The following SLC6A7 variants were observed in gnomAD, a reference collection of about 807,000 sequenced individuals.
SLC6A7 encodes the protein sodium-dependent proline transporter.
Under a neutral mutation model 73.1 loss-of-function variants are expected in SLC6A7, and 58 were observed. That is an observed-to-expected ratio of 0.79 (90% CI 0.64 to 0.99). SLC6A7 has a LOEUF of 0.99. SLC6A7 is among the 50% of genes least tolerant of loss of function. The probability of loss-of-function intolerance (pLI) is 0.00; values close to 1 mark genes in which losing one functional copy is unlikely to be tolerated. For missense variants in SLC6A7, 783 were observed against 831.4 expected (o/e 0.94, Z 0.72); for synonymous variants, 338 against 338.7 (o/e 1.00, Z 0.02).
chr5:150,190,652 G>A (rs1752738019), intron 1 of SLC6A7, among the ~76,000 whole-genome samples: 1 of 152,188 alleles, frequency 6.6e-6, no homozygotes, highest in African/African-American at 2.4e-5. Flanking sequence ...GGGCGGCCGG[G>A]GCCAGGCACC....
In SLC6A7 at chr5:150,199,306, G is replaced by A. The variant is rs770777858; in HGVS notation, c.663G>A (p.Leu221=). Residue 221 remains leucine, a synonymous_variant, in exon 5 of 14, where the codon CTG becomes CTA. Coordinates refer to ENST00000230671, the MANE Select transcript of SLC6A7 (RefSeq NM_014228.5). ...GEIRWNLCLC[L]LLAWVIVFLC... The stretch of plus-strand genomic sequence containing the variant: ...TCCGCTGGAACCTCTGCCTCTGCCT[G>A]CTGCTGGCCTGGGTCATCGTGTTCC... The A allele has an allele frequency of 4.3e-6, 7 of 1,614,166 alleles. No homozygotes were observed. The highest frequency in any genetic ancestry group is 4.2e-6 in the Non-Finnish European group (5 of 1,180,002).
intron 13 of SLC6A7, among the ~76,000 whole-genome samples, chr5:150,206,405 A>G (rs1753702082): frequency 6.6e-6 from 1 of 152,178 alleles, no homozygotes; most frequent in Admixed American, 6.5e-5. Context: ...TGTGTGAGCT[A>G]GGTGTTCAAC....
chr5:150,208,690 C>T (rs988163488), intron 13 of SLC6A7, among the ~76,000 whole-genome samples: 2 of 152,196 alleles, frequency 1.3e-5, no homozygotes, highest in Admixed American at 6.5e-5. Context: ...TAATTGCCTC[C>T]TTTCTTTAAG....
At position 150,205,439 on chromosome 5, in the gene SLC6A7, G is replaced by A. The variant is rs1292978347; in HGVS notation, c.1534-17G>A. ...AGACAAAAGCCCGCAGTGATGCTGG[G>A]AGTCCCCACTCTGCAGGCCCTCATG... On this transcript the variant is annotated splice_polypyrimidine_tract_variant and intron_variant, in intron 12 of 13. Transcript: ENST00000230671. The A allele has an allele frequency of 6.3e-7, 1 of 1,574,900 alleles. No homozygotes were observed. Among genetic ancestry groups the A allele is most frequent in the Non-Finnish European group, 8.6e-7 (1 of 1,158,614 alleles).
intron 3 of SLC6A7, 89 bp from the exon 4 acceptor site, chr5:150,196,953 C>T (rs1247009241): frequency 1.3e-6 from 2 of 1,526,410 alleles, no homozygotes; most frequent in African/African-American, 2.7e-5. Flanking sequence ...GGAAGTGAAG[C>T]CCAGATAGCT....
At chr5:150,204,652 T>A in intron 11 of SLC6A7, 21 bp downstream of exon 11, 1 of 1,563,642 alleles carries the variant, frequency 6.4e-7, no homozygotes, top group Non-Finnish European at 8.8e-7. Flanking sequence ...CCGTGGGAAG[T>A]GGAGTCGAGC....
At chr5:150,198,098 A>G (rs766024521) in intron 4 of SLC6A7, among the ~76,000 whole-genome samples, 2,015 of 108,652 alleles carry the variant, frequency 0.019, 59 homozygotes, top group African/African-American at 0.041. Context: ...AAAGAAAGAA[A>G]GAAAGAAAGA....
At chr5:150,204,964 C>T (rs1753609658) in intron 12 of SLC6A7, 37 bp downstream of exon 12, 1 of 1,329,044 alleles carries the variant, frequency 7.5e-7, no homozygotes, top group Non-Finnish European at 1.1e-6. Flanking sequence ...TGGCTGGGGC[C>T]CCAGAATTGA....
chr5:150,205,034 G>A (rs1753613966), intron 12 of SLC6A7, 107 bp downstream of exon 12: 1 of 671,416 alleles, frequency 1.5e-6, no homozygotes, highest in African/African-American at 1.8e-5. Context: ...GCAGTGGAGG[G>A]CTGTGGGGTG....
chr5:150,200,055 C>G (rs975175278), intron 5 of SLC6A7, among the ~76,000 whole-genome samples: 1 of 152,148 alleles, frequency 6.6e-6, no homozygotes, highest in African/African-American at 2.4e-5. Context: ...CATGTAACCA[C>G]CCCTGGAGCT....
At chr5:150,205,093 T>C (rs1039781501) in intron 12 of SLC6A7, among the ~76,000 whole-genome samples, 166 bp downstream of exon 12, 6 of 152,232 alleles carry the variant, frequency 3.9e-5, no homozygotes, top group Non-Finnish European at 8.8e-5. Context: ...CCAGCTTCTG[T>C]AGCTGTGCTG....
chr5:150,198,381 A>G (rs1328909152), intron 4 of SLC6A7, among the ~76,000 whole-genome samples: 3 of 152,198 alleles, frequency 2.0e-5, no homozygotes, highest in Non-Finnish European at 4.4e-5. Flanking sequence ...TTGGTCTTTA[A>G]CCTGCCTGTA....
intron 6 of SLC6A7, among the ~76,000 whole-genome samples, 179 bp from the exon 7 acceptor site, chr5:150,202,168 C>G (rs2240786): frequency 0.42 from 63,314 of 152,048 alleles, 13,885 homozygotes; most frequent in Non-Finnish European, 0.5. Flanking sequence ...CATGTCCCAC[C>G]GTGTAAATGT....
rs34262805 is a variant in SLC6A7 at position 150,204,943 on chromosome 5, G to A, written c.1533+16G>A. On this transcript the variant is annotated intron_variant, in intron 12 of 13. Transcript: ENST00000230671. ...CACGCTCTTGGTAACTGGGGAGGGC[G>A]GGAGGGTTTCTGGCTGGGGCCCCAG... The A allele has an allele frequency of 0.036, 48,760 of 1,364,204 alleles. 3,486 individuals carry two copies. The highest frequency in any genetic ancestry group is 0.13 in the East Asian group (5,760 of 43,458). 84.5% of individuals were successfully genotyped at this position (1,364,204 alleles called of 1,614,324 possible). A position where few individuals can be genotyped will look rare whatever the true frequency, so the allele number is the denominator to read the frequency against.
Position 150,201,241 on chromosome 5 carries a change from G to A in SLC6A7, c.858+18G>A. On this transcript the variant is annotated intron_variant, in intron 6 of 13. Coordinates refer to ENST00000230671, the MANE Select transcript of SLC6A7 (RefSeq NM_014228.5). ...CTTCCAAGGTGAGCCCCTCAGGGCG[G>A]GGTGCAGAGGGAGGGGCCAGGCCTG... The A allele has an allele frequency of 6.3e-7, 1 of 1,589,068 alleles. No individual in the cohort carries two copies. Among genetic ancestry groups the A allele is most frequent in the Non-Finnish European group, 8.6e-7 (1 of 1,167,170 alleles).
Position 150,203,719 on chromosome 5 carries a change from G to A in SLC6A7, c.1140G>A (p.Leu380=). Reference sequence around the variant, plus strand: ...CACAGGCCATGACCATGCTGCCTCTGTCACCCTTCTGGTCCTTTCTCTTCT... The same window carrying A: ...CACAGGCCATGACCATGCTGCCTCTATCACCCTTCTGGTCCTTTCTCTTCT... ...VYPQAMTMLP[L]SPFWSFLFFF... The change falls in exon 9 of 14, where the codon CTG becomes CTA. Residue 380 remains leucine, a synonymous_variant. Transcript: ENST00000230671. The A allele has an allele frequency of 6.2e-7, 1 of 1,613,250 alleles. No homozygotes were observed. Among genetic ancestry groups the A allele is most frequent in the Non-Finnish European group, 8.5e-7 (1 of 1,179,384 alleles).
chr5:150,204,837 G>T lies in SLC6A7; in HGVS notation c.1443G>T (p.Arg481Ser), dbSNP rs572628375. The T allele has an allele frequency of 1.4e-4, 228 of 1,600,176 alleles. 1 individual carries two copies. The highest frequency in any genetic ancestry group is 1.3e-4 in the Non-Finnish European group (152 of 1,170,676). ...LAVTRVYGIQRFCRDIHMMLG... is the reference protein window; with the variant it reads ...LAVTRVYGIQSFCRDIHMMLG... ...CCCTCCCCTGTGCAGGCATTCAGAG[G>T]TTCTGCCGAGACATCCACATGATGC... Residue 481 changes from arginine to serine, a missense_variant, in exon 12 of 14, where the codon AGG (arginine) becomes AGT (serine). By Grantham distance (110) the Arg-to-Ser change is moderately radical. Coordinates refer to ENST00000230671, the MANE Select transcript of SLC6A7 (RefSeq NM_014228.5).
intron 10 of SLC6A7, 106 bp from the exon 11 acceptor site, chr5:150,204,426 T>C (rs1753568216): frequency 1.1e-6 from 1 of 874,114 alleles, no homozygotes; most frequent in East Asian, 2.4e-5. Flanking sequence ...CCTGTCATCT[T>C]GTGCTGTCAG....
rs542073962 is a variant in SLC6A7 at position 150,204,115 on chromosome 5, G to A, written c.1332+77G>A. The A allele has an allele frequency of 2.5e-5, 35 of 1,427,768 alleles. No individual in the cohort carries two copies. The African/African-American group carries it at 3.7e-4, about 15-fold the overall frequency. The allele number at this position is 1,427,768 out of a possible 1,614,324, so 88.4% of individuals were successfully genotyped here. On this transcript the variant is annotated intron_variant, in intron 10 of 13. Transcript: ENST00000230671. ...CTGCAACGAGATCTCTGGCCCAGCT[G>A]AGCAGTTGCTGGGCCCCCTCCATCT...
Sources: gnomAD v4.1 joint callset for allele counts (sites outside exome capture counted in the v4.1 genomes callset) on GRCh38, gnomAD v4.1.1 for gene constraint, MANE v1.5 for transcripts, NCBI Gene and HGNC (gene_info 2026-07-23, HGNC 2026-07-21) for gene names.